Variants in RBFOX2 observed in about 807,000 individuals in gnomAD.
The protein encoded by RBFOX2 is RNA binding protein fox-1 homolog 2.
Under a neutral mutation model 49.1 loss-of-function variants are expected in RBFOX2, and 10 were observed. That is an observed-to-expected ratio of 0.20 (90% CI 0.13 to 0.35). The LOEUF (loss-of-function observed/expected upper bound fraction) is 0.35. RBFOX2 is among the 10% of genes least tolerant of loss of function. The pLI, the probability that RBFOX2 is intolerant of heterozygous loss-of-function variation, is 1.00. For missense variants in RBFOX2, 323 were observed against 486.9 expected (o/e 0.66, Z 3.17); for synonymous variants, 183 against 187.4 (o/e 0.98, Z 0.19).
At chr22:35,775,734 G>A (rs1164355305) in intron 4 of RBFOX2, among the ~76,000 whole-genome samples, 3 of 151,250 alleles carry the variant, frequency 2.0e-5, no homozygotes, top group South Asian at 4.2e-4. Context: ...CCAGCTACTC[G>A]GGAAGCTGAG....
chr22:35,943,883 C>T (rs949563219), upstream of RBFOX2, among the ~76,000 whole-genome samples: 6 of 152,150 alleles, frequency 3.9e-5, no homozygotes, highest in South Asian at 2.1e-4. Context: ...CCAGCCTGGG[C>T]GACAGAGCGA....
chr22:35,779,506 C>T (rs140786019), intron 3 of RBFOX2, among the ~76,000 whole-genome samples: 3 of 152,260 alleles, frequency 2.0e-5, no homozygotes, highest in South Asian at 2.1e-4. Flanking sequence ...AGAAGAATCA[C>T]GGAAAAAGGA....
At chr22:35,931,498 G>A (rs989565337) in intron 1 of RBFOX2, among the ~76,000 whole-genome samples, 6 of 152,054 alleles carry the variant, frequency 3.9e-5, no homozygotes, top group African/African-American at 7.2e-5. Context: ...CTTGTGTCCC[G>A]GCATGGAAGC....
chr22:36,014,429 A>C (rs547749417), intron 1 of RBFOX2, among the ~76,000 whole-genome samples: 6 of 152,324 alleles, frequency 3.9e-5, no homozygotes, highest in South Asian at 4.1e-4. Context: ...CATTTCTTAA[A>C]GAGCAATCAA....
chr22:35,916,648 C>G (rs2050446927), intron 1 of RBFOX2, among the ~76,000 whole-genome samples: 1 of 152,064 alleles, frequency 6.6e-6, no homozygotes, highest in Non-Finnish European at 1.5e-5. Context: ...GTAATCCCAA[C>G]ACTTTAAGAG....
rs548165976 is a variant in RBFOX2 at position 35,883,623 on chromosome 22, T to C, written c.-34+55224A>G. ...GTTCTGGCTCCTTTTTTAACAGTGC[T>C]TCCCTCAATTTATTTATTTCCCCTC... On this transcript the variant is annotated intron_variant, in intron 1 of 13. Transcript: ENST00000359369. Among the ~76,000 whole-genome samples the C allele has an allele frequency of 3.3e-5, 5 of 152,338 alleles. No individual in the cohort carries two copies. The South Asian group carries it at 1.0e-3, about 32-fold the overall frequency.
At chr22:35,874,762 C>T (rs2044800633) in intron 1 of RBFOX2, among the ~76,000 whole-genome samples, 1 of 152,166 alleles carries the variant, frequency 6.6e-6, no homozygotes, top group African/African-American at 2.4e-5. Flanking sequence ...ACAGTAAATA[C>T]TCAAATTATT....
At chr22:35,885,145 A>G (rs1433070795) in intron 1 of RBFOX2, among the ~76,000 whole-genome samples, 6 of 152,206 alleles carry the variant, frequency 3.9e-5, no homozygotes, top group Non-Finnish European at 5.9e-5. Flanking sequence ...AAACACAAAA[A>G]TAAAAATAAA....
intron 1 of RBFOX2, among the ~76,000 whole-genome samples, chr22:36,006,182 T>C (rs769051017): frequency 2.6e-5 from 4 of 152,246 alleles, no homozygotes; most frequent in Non-Finnish European, 4.4e-5. Flanking sequence ...ATAAAAATTT[T>C]TGAAAGCCTC....
chr22:35,837,383 G>GT (rs1221409442), intron 1 of RBFOX2, among the ~76,000 whole-genome samples: 3 of 152,050 alleles, frequency 2.0e-5, no homozygotes, highest in Non-Finnish European at 2.9e-5. Flanking sequence ...GTAATAAACC[G>GT]TTTAACTTTG....
intron 1 of RBFOX2, among the ~76,000 whole-genome samples, chr22:35,881,092 G>A (rs935796167): frequency 2.0e-5 from 3 of 151,044 alleles, no homozygotes; most frequent in African/African-American, 4.9e-5. Flanking sequence ...GTGAAACCCC[G>A]TCTCTACTAA....
chr22:36,013,402 C>G (rs953824383), intron 1 of RBFOX2, among the ~76,000 whole-genome samples: 3 of 152,098 alleles, frequency 2.0e-5, no homozygotes, highest in Admixed American at 6.5e-5. Flanking sequence ...GTGTCAGGCC[C>G]TGAACTAAGC....
chr22:35,839,391 G>A (rs570810675), intron 1 of RBFOX2, among the ~76,000 whole-genome samples: 2 of 151,956 alleles, frequency 1.3e-5, no homozygotes, highest in African/African-American at 2.4e-5. Context: ...GGAGAAAGAG[G>A]GGAAAAGGAT....
At chr22:35,940,404 C>A (rs969004050), upstream of RBFOX2, among the ~76,000 whole-genome samples, 1 of 152,156 alleles carries the variant, frequency 6.6e-6, no homozygotes, top group Non-Finnish European at 1.5e-5. Flanking sequence ...ATAAAACTCA[C>A]ACTCATCAGA....
intron 1 of RBFOX2, among the ~76,000 whole-genome samples, chr22:35,953,053 T>C (rs2055122865): frequency 1.3e-5 from 2 of 151,048 alleles, no homozygotes; most frequent in South Asian, 4.2e-4. Context: ...CTACTAAAAA[T>C]ACAAAAAATT....
intron 1 of RBFOX2, chr22:35,999,592 C>G (rs937362762): frequency 6.6e-6 from 1 of 151,816 alleles, no homozygotes; most frequent in Non-Finnish European, 1.5e-5. Flanking sequence ...AAATAATTGA[C>G]CATTATACTT....
intron 2 of RBFOX2, among the ~76,000 whole-genome samples, chr22:35,806,189 A>C (rs924085702): frequency 1.2e-4 from 19 of 152,126 alleles, no homozygotes; most frequent in Non-Finnish European, 2.4e-4. Flanking sequence ...TCTGGTGTGC[A>C]ATGTTGTTAG....
chr22:35,964,111 T>G (rs944235103), upstream of RBFOX2, among the ~76,000 whole-genome samples: 1 of 152,160 alleles, frequency 6.6e-6, no homozygotes, highest in Non-Finnish European at 1.5e-5. Flanking sequence ...AAGGTGACCA[T>G]GGTTATATAC....
intron 1 of RBFOX2, among the ~76,000 whole-genome samples, chr22:35,974,812 T>A (rs1056003914): frequency 3.3e-5 from 5 of 152,238 alleles, no homozygotes; most frequent in African/African-American, 1.2e-4. Context: ...CTCATCTTAC[T>A]GCTACCACTT....
Sources: gnomAD v4.1 joint callset for allele counts (sites outside exome capture counted in the v4.1 genomes callset) on GRCh38, gnomAD v4.1.1 for gene constraint, MANE v1.5 for transcripts, NCBI Gene and HGNC (gene_info 2026-07-23, HGNC 2026-07-21) for gene names.